The following MDGA2 variants were observed in gnomAD, a reference collection of about 807,000 sequenced individuals.
The protein encoded by MDGA2 is MAM domain containing glycosylphosphatidylinositol anchor 2.
In MDGA2, 40 loss-of-function variants were observed where a neutral mutation model predicts 117.8. That is an observed-to-expected ratio of 0.34 (90% CI 0.26 to 0.44). MDGA2 has a LOEUF of 0.44. Ranked by LOEUF, MDGA2 falls within the 20% of genes least tolerant of loss-of-function variation. The probability of loss-of-function intolerance (pLI) is 1.00; values close to 1 mark genes in which losing one functional copy is unlikely to be tolerated. For synonymous variants in MDGA2, 452 were observed against 439.0 expected (o/e 1.03, Z -0.37); for missense variants, 1,123 against 1,250.6 (o/e 0.90, Z 1.54).
rs1444802273 is a variant in MDGA2, at chr14:47,053,634, T to C, written c.1525+7615A>G. On this transcript the variant is annotated intron_variant, in intron 7 of 16. Coordinates refer to ENST00000399232, the MANE Select transcript of MDGA2 (RefSeq NM_001113498.3). ...ATATATATATATATATATATATATA[T>C]ATATATATATATATATATATACACA... Among the ~76,000 whole-genome samples the C allele has an allele frequency of 1.2e-3, 99 of 83,312 alleles. 1 individual carries two copies. Among genetic ancestry groups the C allele is most frequent in the East Asian group, 3.9e-3 (10 of 2,584 alleles). 54.7% of individuals were successfully genotyped at this position (83,312 alleles called of 152,430 possible). A position where few individuals can be genotyped will look rare whatever the true frequency, so the allele number is the denominator to read the frequency against.
chr14:47,073,021 G>A (rs989124917), intron 6 of MDGA2, among the ~76,000 whole-genome samples: 8 of 152,034 alleles, frequency 5.3e-5, no homozygotes, highest in African/African-American at 1.9e-4. Context: ...CTTTCCACAT[G>A]GCCAAAGCTT....
intron 14 of MDGA2, among the ~76,000 whole-genome samples, chr14:46,866,550 T>C (rs544954642): frequency 1.3e-5 from 2 of 152,146 alleles, no homozygotes; most frequent in African/African-American, 4.8e-5. Flanking sequence ...TGGGATCTAA[T>C]TAAACTAAAG....
At chr14:47,024,272 A>G (rs1265928157) in intron 8 of MDGA2, among the ~76,000 whole-genome samples, 1 of 152,126 alleles carries the variant, frequency 6.6e-6, no homozygotes, top group African/African-American at 2.4e-5. Flanking sequence ...AATTACTTAC[A>G]TCTTTTAACT....
chr14:46,976,830 C>T (rs1464647410), intron 8 of MDGA2, among the ~76,000 whole-genome samples: 1 of 151,832 alleles, frequency 6.6e-6, no homozygotes, highest in African/African-American at 2.4e-5. Flanking sequence ...TAGAAAGGAA[C>T]TGTGCTTTTC....
intron 15 of MDGA2, among the ~76,000 whole-genome samples, chr14:46,852,900 A>C (rs1174587466): frequency 6.6e-6 from 1 of 151,972 alleles, no homozygotes; most frequent in South Asian, 2.1e-4. Context: ...AATATGCAGC[A>C]CCTATCAAGG....
chr14:46,987,457 C>G (rs1423849447), intron 8 of MDGA2, among the ~76,000 whole-genome samples: 1 of 152,086 alleles, frequency 6.6e-6, no homozygotes, highest in Non-Finnish European at 1.5e-5. Context: ...AACCACGGAG[C>G]AGCTTTATAG....
chr14:47,133,121 AC>A (rs1409479537), intron 4 of MDGA2, among the ~76,000 whole-genome samples: 119 of 151,444 alleles, frequency 7.9e-4, no homozygotes, highest in African/African-American at 2.8e-3. Flanking sequence ...AAAAAAAAAA[AC>A]AAACAAACAA....
chr14:47,562,964 G>A (rs1460672062), intron 1 of MDGA2, among the ~76,000 whole-genome samples: 2 of 151,942 alleles, frequency 1.3e-5, no homozygotes, highest in African/African-American at 4.8e-5. Flanking sequence ...AGAATTTCTT[G>A]ATCTCTGCCT....
In MDGA2 at chr14:47,282,176, A is replaced by T. The variant is rs542903074; in HGVS notation, c.420+19235T>A. The stretch of plus-strand genomic sequence containing the variant: ...ATTTTTCTGAAAAACGAATATATGC[A>T]TAAGCATTCTAAATGTGGCCATTCA... On this transcript the variant is annotated intron_variant, in intron 2 of 16. Transcript: ENST00000399232. Among the ~76,000 whole-genome samples the T allele has an allele frequency of 2.0e-5, 3 of 152,304 alleles. No homozygotes were observed. In the East Asian group the frequency reaches 5.8e-4, roughly 29 times the overall value.
Position 47,061,108 on chromosome 14 carries a change from T to C in MDGA2, c.1525+141A>G, listed in dbSNP as rs553509558. The stretch of plus-strand genomic sequence containing the variant: ...ACAGTGTTTCAGAACCTAGTATTCA[T>C]TGAGCATTCAGAACATTATAATTTT... On this transcript the variant is annotated intron_variant, in intron 7 of 16. Transcript: ENST00000399232. 1.7e-4 allele frequency: 111 copies of C among 652,868 alleles called. 1 individual carries two copies. The African/African-American group carries it at 1.8e-3, about 11-fold the overall frequency. 40.4% of individuals were successfully genotyped at this position (652,868 alleles called of 1,614,324 possible).
intron 5 of MDGA2, among the ~76,000 whole-genome samples, chr14:47,101,818 A>C (rs72678488): frequency 0.11 from 16,967 of 152,144 alleles, 1,082 homozygotes; most frequent in Admixed American, 0.11. Flanking sequence ...GAGTTGAAAG[A>C]AAAAATAATA....
intron 12 of MDGA2, 50 bp downstream of exon 12, chr14:46,877,439 T>A: frequency 9.6e-7 from 1 of 1,042,894 alleles, no homozygotes; most frequent in South Asian, 1.7e-5. Flanking sequence ...AACATTATAT[T>A]TTTGTATTTA....
chr14:47,453,325 A>T (rs1278754933), intron 1 of MDGA2, among the ~76,000 whole-genome samples: 1 of 152,076 alleles, frequency 6.6e-6, no homozygotes, highest in Non-Finnish European at 1.5e-5. Flanking sequence ...TTCCTTACAA[A>T]GGGGTGCTGT....
intron 8 of MDGA2, among the ~76,000 whole-genome samples, chr14:47,004,413 T>A (rs933639887): frequency 4.0e-5 from 6 of 151,800 alleles, no homozygotes; most frequent in Admixed American, 6.6e-5. Context: ...TATTTATGGA[T>A]CTCTATTCTG....
intron 1 of MDGA2, among the ~76,000 whole-genome samples, chr14:47,442,700 C>T (rs1302952601): frequency 6.6e-6 from 1 of 152,114 alleles, no homozygotes; most frequent in East Asian, 1.9e-4. Context: ...TCCCCACATC[C>T]ATCACCTTCC....
chr14:46,902,375 C>T (rs1198701121), intron 10 of MDGA2, among the ~76,000 whole-genome samples: 1 of 152,020 alleles, frequency 6.6e-6, no homozygotes, highest in Non-Finnish European at 1.5e-5. Context: ...TTTCTCAAAC[C>T]TGTTCCCTCC....
chr14:47,600,206 G>A (rs189651024), intron 1 of MDGA2, among the ~76,000 whole-genome samples: 4 of 152,020 alleles, frequency 2.6e-5, no homozygotes, highest in Admixed American at 6.5e-5. Context: ...GACTAGCCTC[G>A]CCAACATGGT....
intron 2 of MDGA2, among the ~76,000 whole-genome samples, chr14:47,257,449 C>G (rs1385075326): frequency 6.6e-6 from 1 of 152,024 alleles, no homozygotes; most frequent in Non-Finnish European, 1.5e-5. Context: ...CTTATTTACC[C>G]CTTGACAACT....
intron 1 of MDGA2, among the ~76,000 whole-genome samples, chr14:47,484,101 T>C (rs977378492): frequency 1.3e-5 from 2 of 152,214 alleles, no homozygotes; most frequent in Non-Finnish European, 2.9e-5. Flanking sequence ...AGTAGGTATA[T>C]GGCTACATGC....
Sources: gnomAD v4.1 joint callset for allele counts (sites outside exome capture counted in the v4.1 genomes callset) on GRCh38, gnomAD v4.1.1 for gene constraint, MANE v1.5 for transcripts, NCBI Gene and HGNC (gene_info 2026-07-23, HGNC 2026-07-21) for gene names.